Variants in AOPEP observed in about 807,000 individuals in gnomAD.
AOPEP encodes the protein aminopeptidase O.
AOPEP carries 77 observed loss-of-function variants against 98.1 expected under a neutral mutation model. That is an observed-to-expected ratio of 0.78 (90% CI 0.65 to 0.95). AOPEP has a LOEUF of 0.95. Ranked by LOEUF, AOPEP falls within the 40% of genes least tolerant of loss-of-function variation. AOPEP has a pLI of 0.00. For missense variants in AOPEP, 1,024 were observed against 1,024.7 expected (o/e 1.00, Z 0.01); for synonymous variants, 346 against 365.3 (o/e 0.95, Z 0.60).
At chr9:95,129,474 C>T in the AOPEP span, among the ~76,000 whole-genome samples, 1 of 152,220 alleles carries the variant, frequency 6.6e-6, no homozygotes, top group Non-Finnish European at 1.5e-5. Flanking sequence ...GGCATCTAAC[C>T]TCTGATCCTG....
intron 1 of AOPEP, among the ~76,000 whole-genome samples, chr9:94,735,311 C>T (rs1272957911): frequency 2.0e-5 from 3 of 152,208 alleles, no homozygotes; most frequent in Admixed American, 6.5e-5. Flanking sequence ...AGCTCTGCCT[C>T]CTGGGTTCAC....
Position 95,080,790 on chromosome 9 carries a change from A to C in AOPEP, c.2319+10A>C, listed in dbSNP as rs2069659802. The C allele has an allele frequency of 2.5e-6, 4 of 1,596,632 alleles. No individual in the cohort carries two copies. In the African/African-American group the frequency reaches 5.4e-5, roughly 21 times the overall value. On this transcript the variant is annotated intron_variant, in intron 15 of 16. Transcript: ENST00000375315. Reference sequence around the variant, plus strand: ...CCTTCAGGAGGATCAGGTAGGTGTCATCTTTCAGCAGATGGGGATTCTGTA... The same window carrying C: ...CCTTCAGGAGGATCAGGTAGGTGTCCTCTTTCAGCAGATGGGGATTCTGTA...
At chr9:94,834,104 G>T (rs1254127275) in intron 5 of AOPEP, among the ~76,000 whole-genome samples, 1 of 152,140 alleles carries the variant, frequency 6.6e-6, no homozygotes, top group African/African-American at 2.4e-5. Context: ...GACACTACCG[G>T]AATACAGAGG....
chr9:94,882,285 C>G (rs1180735024), intron 5 of AOPEP, among the ~76,000 whole-genome samples: 1 of 152,178 alleles, frequency 6.6e-6, no homozygotes, highest in African/African-American at 2.4e-5. Context: ...AGTCCTCTTT[C>G]GTCATGTTCT....
the AOPEP span, among the ~76,000 whole-genome samples, chr9:95,134,669 T>C: frequency 2.6e-5 from 4 of 152,178 alleles, no homozygotes; most frequent in African/African-American, 7.2e-5. Context: ...CCTTACAAAA[T>C]GTGCTCCAAT....
intron 11 of AOPEP, among the ~76,000 whole-genome samples, chr9:94,992,415 C>G (rs1188483299): frequency 6.6e-6 from 1 of 152,224 alleles, no homozygotes; most frequent in Admixed American, 6.5e-5. Flanking sequence ...CACCGTCACA[C>G]TGTAAGTGGG....
chr9:95,009,243 G>GATA lies in AOPEP; in HGVS notation c.2115+3629_2115+3631dup, dbSNP rs538780697. Among the ~76,000 whole-genome samples the GATA allele has an allele frequency of 3.9e-3, 586 of 151,802 alleles. 3 individuals are homozygous for GATA. The highest frequency in any genetic ancestry group is 6.0e-3 in the Admixed American group (91 of 15,238). ...TTTTACCTTCGTTAGCTGATTCAAA[G>GATA]ATAAAATTGTGTGCCATCACAGATT... On this transcript the variant is annotated intron_variant, in intron 13 of 16. Transcript: ENST00000375315.
At chr9:95,143,406 C>T in the AOPEP span, among the ~76,000 whole-genome samples, 6 of 152,140 alleles carry the variant, frequency 3.9e-5, no homozygotes, top group African/African-American at 1.4e-4. Flanking sequence ...TGGTTGGTTC[C>T]TTTGGCTACC....
intron 5 of AOPEP, among the ~76,000 whole-genome samples, chr9:94,874,964 G>A (rs2046750512): frequency 6.6e-6 from 1 of 152,154 alleles, no homozygotes; most frequent in African/African-American, 2.4e-5. Context: ...TTTCACCTGT[G>A]TAAGGGGCTC....
chr9:95,130,288 G>A, the AOPEP span, among the ~76,000 whole-genome samples: 1 of 147,430 alleles, frequency 6.8e-6, no homozygotes, highest in Non-Finnish European at 1.5e-5. Context: ...GATTCTGTGT[G>A]TGTGTGTGTG....
At chr9:94,828,259 T>G (rs1161047849) in intron 5 of AOPEP, among the ~76,000 whole-genome samples, 2 of 152,214 alleles carry the variant, frequency 1.3e-5, no homozygotes, top group Non-Finnish European at 2.9e-5. Context: ...TCTTGTGCTT[T>G]TGGTGTCATA....
intron 7 of AOPEP, among the ~76,000 whole-genome samples, chr9:94,935,637 G>A (rs2056143881): frequency 6.6e-6 from 1 of 152,158 alleles, no homozygotes; most frequent in Non-Finnish European, 1.5e-5. Flanking sequence ...GGAAAGACAG[G>A]CTCAGGCAAC....
intron 5 of AOPEP, among the ~76,000 whole-genome samples, chr9:94,845,007 A>G (rs1470315044): frequency 1.3e-5 from 2 of 152,246 alleles, no homozygotes; most frequent in Admixed American, 6.5e-5. Context: ...AACACCTACT[A>G]TGTGCAAGCA....
At chr9:94,923,489 G>A (rs1342122536) in intron 5 of AOPEP, among the ~76,000 whole-genome samples, 1 of 152,188 alleles carries the variant, frequency 6.6e-6, no homozygotes, top group African/African-American at 2.4e-5. Flanking sequence ...ATCATAGCCA[G>A]CTCCCCGTGC....
chr9:94,895,237 A>AG (rs1034313458), intron 5 of AOPEP, among the ~76,000 whole-genome samples: 1 of 33,310 alleles, frequency 3.0e-5, no homozygotes, highest in African/African-American at 5.8e-5. Flanking sequence ...AATAAAATAA[A>AG]ATAAAAAAAA....
intron 14 of AOPEP, among the ~76,000 whole-genome samples, chr9:95,078,369 G>A (rs970644470): frequency 2.6e-5 from 4 of 152,206 alleles, no homozygotes; most frequent in African/African-American, 7.2e-5. Flanking sequence ...AAGGAGAGGC[G>A]AAACCCTCCA....
chr9:95,139,533 A>G, the AOPEP span, among the ~76,000 whole-genome samples: 2 of 152,146 alleles, frequency 1.3e-5, no homozygotes, highest in Non-Finnish European at 2.9e-5. Flanking sequence ...GGATGGCGGA[A>G]CAGAGTGTGG....
the AOPEP span, chr9:95,111,783 C>G: frequency 1.0e-6 from 1 of 965,578 alleles, no homozygotes; most frequent in African/African-American, 1.6e-5. Context: ...AATTTAGATT[C>G]AGAAAGCCTG....
chr9:94,830,511 T>A (rs1038293568), intron 5 of AOPEP, among the ~76,000 whole-genome samples: 5 of 152,236 alleles, frequency 3.3e-5, no homozygotes, highest in African/African-American at 1.2e-4. Flanking sequence ...TACACATGCA[T>A]GTATCTTTAT....
Sources: gnomAD v4.1 joint callset for allele counts (sites outside exome capture counted in the v4.1 genomes callset) on GRCh38, gnomAD v4.1.1 for gene constraint, MANE v1.5 for transcripts, NCBI Gene and HGNC (gene_info 2026-07-23, HGNC 2026-07-21) for gene names.